CDC42BPA: variants seen among roughly 807,000 people sequenced by gnomAD.
The protein encoded by CDC42BPA is serine/threonine-protein kinase MRCK alpha.
CDC42BPA carries 80 observed loss-of-function variants against 223.5 expected under a neutral mutation model. That is an observed-to-expected ratio of 0.36 (90% CI 0.30 to 0.43). The LOEUF is 0.43. Ranked by LOEUF, CDC42BPA falls within the 20% of genes least tolerant of loss-of-function variation. The probability of loss-of-function intolerance (pLI) is 1.00; values close to 1 mark genes in which losing one functional copy is unlikely to be tolerated. For missense variants in CDC42BPA, 1,743 were observed against 2,099.9 expected, an observed-to-expected ratio of 0.83 and a Z score of 3.32; for synonymous variants, 694 against 718.6, an observed-to-expected ratio of 0.97 and a Z score of 0.55.
chr1:227,312,966 G>A (rs1250480787), intron 1 of CDC42BPA, among the ~76,000 whole-genome samples: 1 of 152,094 alleles, frequency 6.6e-6, no homozygotes, highest in Non-Finnish European at 1.5e-5. Context: ...CCTCCTTGTA[G>A]CCTGCGGAAC....
At chr1:227,148,745 C>T (rs1222014581) in intron 6 of CDC42BPA, among the ~76,000 whole-genome samples, 5 of 119,408 alleles carry the variant, frequency 4.2e-5, no homozygotes, top group African/African-American at 6.8e-5. Flanking sequence ...CCAGCCTGGG[C>T]GACAGAGCAA....
chr1:227,170,228 T>C (rs879673564), intron 5 of CDC42BPA, among the ~76,000 whole-genome samples: 1 of 152,012 alleles, frequency 6.6e-6, no homozygotes, highest in Non-Finnish European at 1.5e-5. Context: ...AACATACTTA[T>C]CATGTTGTTA....
chr1:227,188,808 C>T (rs1002572312), intron 5 of CDC42BPA, among the ~76,000 whole-genome samples: 9 of 151,986 alleles, frequency 5.9e-5, no homozygotes, highest in Admixed American at 2.0e-4. Flanking sequence ...GCCTACAGAA[C>T]GTACAACACC....
chr1:226,997,061 AATT>A (rs1661759232), intron 35 of CDC42BPA, among the ~76,000 whole-genome samples: 1 of 152,210 alleles, frequency 6.6e-6, no homozygotes, highest in East Asian at 1.9e-4. Context: ...CCTCTGGTAG[AATT>A]CGGCTGTGAA....
At chr1:227,001,333 G>A in intron 35 of CDC42BPA, among the ~76,000 whole-genome samples, 1 of 152,134 alleles carries the variant, frequency 6.6e-6, no homozygotes, top group East Asian at 1.9e-4. Context: ...TATCTTTACT[G>A]GACAAGCAGC....
intron 29 of CDC42BPA, among the ~76,000 whole-genome samples, chr1:227,029,528 G>A (rs1668858843): frequency 6.6e-6 from 1 of 152,096 alleles, no homozygotes; most frequent in Admixed American, 6.5e-5. Context: ...TTTTCTACTG[G>A]CACTAAATTC....
At chr1:227,134,578 A>T (rs1658106994) in intron 10 of CDC42BPA, among the ~76,000 whole-genome samples, 1 of 152,206 alleles carries the variant, frequency 6.6e-6, no homozygotes, top group African/African-American at 2.4e-5. Flanking sequence ...TGCAAACATA[A>T]CAAGGGGAGG....
chr1:227,184,093 A>G (rs1668377436), intron 5 of CDC42BPA, among the ~76,000 whole-genome samples: 1 of 152,178 alleles, frequency 6.6e-6, no homozygotes, highest in Admixed American at 6.5e-5. Flanking sequence ...TAGTCTAGAT[A>G]TAAAACCTTT....
At chr1:227,079,598 TGATATA>T (rs541207730) in intron 17 of CDC42BPA, among the ~76,000 whole-genome samples, 16 of 152,292 alleles carry the variant, frequency 1.1e-4, no homozygotes, top group Non-Finnish European at 2.2e-4. Context: ...GCAGACTTGA[TGATATA>T]GATATAAATT....
chr1:227,018,595 TAGTCACACACAGTG>T lies in CDC42BPA; in HGVS notation c.4616-1559_4616-1546del, dbSNP rs1666758605. On this transcript the variant is annotated intron_variant, in intron 32 of 36. Transcript: ENST00000366766. ...GGTATGAACACATTTATGACCAGCA[TAGTCACACACAGTG>T]AGAATAAGGTGGAGCCAATCTTATA... 2.0e-5 allele frequency among the ~76,000 whole-genome samples: 3 copies of T among 152,278 alleles called. No homozygotes were observed. In the South Asian group the frequency reaches 6.2e-4, roughly 32 times the overall value.
chr1:227,016,879 C>A, intron 33 of CDC42BPA, 48 bp downstream of exon 33: 1 of 1,546,952 alleles, frequency 6.5e-7, no homozygotes, highest in Non-Finnish European at 8.7e-7. Context: ...CCGAGTAGTC[C>A]TTGATGGTAC....
At chr1:227,283,021 T>C (rs1161748213) in intron 1 of CDC42BPA, among the ~76,000 whole-genome samples, 1 of 152,218 alleles carries the variant, frequency 6.6e-6, no homozygotes, top group Non-Finnish European at 1.5e-5. Context: ...AACACAATTT[T>C]TTAAATAACT....
At chr1:227,168,167 C>T (rs6426576) in intron 5 of CDC42BPA, among the ~76,000 whole-genome samples, 104,138 of 152,042 alleles carry the variant, frequency 0.68, 35,863 homozygotes, top group South Asian at 0.73. Flanking sequence ...TCAAGTGATC[C>T]GCCTGCCTCA....
At chr1:227,017,121 C>A (rs1666435295) in intron 32 of CDC42BPA, 71 bp from the exon 33 acceptor site, 2 of 1,400,810 alleles carry the variant, frequency 1.4e-6, no homozygotes, top group East Asian at 4.6e-5. Flanking sequence ...CTATTAACCT[C>A]CAAGACAGTA....
intron 1 of CDC42BPA, among the ~76,000 whole-genome samples, chr1:227,298,737 A>T (rs1302658942): frequency 1.3e-5 from 2 of 152,248 alleles, no homozygotes; most frequent in East Asian, 3.8e-4. Context: ...GCAGCCGCTC[A>T]GTGGCTTATA....
rs767024673 is a variant in CDC42BPA, at chr1:227,101,218, G to T, written c.2023C>A (p.Pro675Thr). 5 of 1,553,962 alleles carry T rather than the reference G, an allele frequency of 3.2e-6. No individual in the cohort carries two copies. Among genetic ancestry groups the T allele is most frequent in the East Asian group, 4.5e-5 (2 of 44,262 alleles). ...TGATGTTCTATGCTGCATACTCCTG[G>T]TGAGTAACTAATTTGTTTTTGCTAT... ...GLKQKQISYS[P>T]GVCSIEHQQE... Residue 675 changes from proline (P) to threonine (T), a missense_variant, in exon 15 of 37, where the codon CCA becomes ACA. By Grantham distance (38) the Pro-to-Thr change is conservative. This residue lies in a region of CDC42BPA where 464 missense variants were observed against 488.0 expected (regional missense o/e 0.95). Coordinates refer to ENST00000366766, the MANE Select transcript of CDC42BPA (RefSeq NM_001394014.1).
intron 34 of CDC42BPA, among the ~76,000 whole-genome samples, chr1:227,014,929 T>C (rs1362759290): frequency 6.6e-6 from 1 of 152,178 alleles, no homozygotes; most frequent in African/African-American, 2.4e-5. Flanking sequence ...AGCCTAATCT[T>C]CATATTGTTA....
At chr1:227,297,997 TAC>T (rs1354570398) in intron 1 of CDC42BPA, among the ~76,000 whole-genome samples, 1 of 142,936 alleles carries the variant, frequency 7.0e-6, no homozygotes, top group Non-Finnish European at 1.5e-5. Flanking sequence ...TACATATATA[TAC>T]ATATATATAC....
intron 1 of CDC42BPA, among the ~76,000 whole-genome samples, chr1:227,295,504 G>A (rs1406241255): frequency 1.3e-5 from 2 of 152,216 alleles, no homozygotes; most frequent in Middle Eastern, 3.4e-3. Flanking sequence ...AGCAATTCTG[G>A]TAATATATTA....
Sources: gnomAD v4.1 joint callset for allele counts (sites outside exome capture counted in the v4.1 genomes callset) on GRCh38, gnomAD v4.1.1 for gene constraint, gnomAD v4.1.1 regional missense constraint, MANE v1.5 for transcripts, NCBI Gene and HGNC (gene_info 2026-07-23, HGNC 2026-07-21) for gene names.